Variants in ASPRV1 observed in about 807,000 individuals in gnomAD.
ASPRV1 encodes retroviral-like aspartic protease 1.
In ASPRV1, 7 loss-of-function variants were observed where a neutral mutation model predicts 11.0. That is an observed-to-expected ratio of 0.64 (90% confidence interval 0.36 to 1.20). ASPRV1 has a LOEUF of 1.20. Ranked by LOEUF, ASPRV1 falls within the 50% of genes most tolerant of loss-of-function variation. The pLI, the probability that ASPRV1 is intolerant of heterozygous loss-of-function variation, is 0.02. For synonymous variants in ASPRV1, 136 were observed against 138.4 expected (o/e 0.98, Z 0.12); for missense variants, 299 against 320.0 (o/e 0.93, Z 0.50).
At chr2:69,943,605 C>G in the ASPRV1 span, among the ~76,000 whole-genome samples, 1 of 152,166 alleles carries the variant, frequency 6.6e-6, no homozygotes, top group Non-Finnish European at 1.5e-5. Context: ...ATGTCCGTTC[C>G]TTTACATACT....
At chr2:70,014,796 CAAAAAAAAAAAAAAAAAAAA>C in the ASPRV1 span, among the ~76,000 whole-genome samples, 1 of 74,050 alleles carries the variant, frequency 1.4e-5, no homozygotes, top group Admixed American at 1.7e-4. Context: ...GACCTTGTCT[CAAAAAAAAAAAAAAAAAAAA>C]AAGAAAAAGA....
the ASPRV1 span, chr2:70,003,379 C>T: frequency 1.3e-5 from 2 of 152,248 alleles, no homozygotes; most frequent in South Asian, 2.1e-4. Flanking sequence ...ATGTTAAGCA[C>T]GTAGAACACT....
At chr2:69,961,674 C>T (rs1342628700), upstream of ASPRV1, 8 of 1,542,660 alleles carry the variant, frequency 5.2e-6, no homozygotes, top group South Asian at 9.9e-5. Context: ...CTAGGCTGGC[C>T]CCTGGGCTCC....
the ASPRV1 span, among the ~76,000 whole-genome samples, chr2:70,061,178 T>C: frequency 1.4e-3 from 220 of 151,828 alleles, no homozygotes; most frequent in Middle Eastern, 3.4e-3. Flanking sequence ...GGTGAATCAC[T>C]TGAGGTCAGG....
chr2:70,060,024 T>TA, the ASPRV1 span: 1 of 152,000 alleles, frequency 6.6e-6, no homozygotes, highest in African/African-American at 2.4e-5. Flanking sequence ...CCTACACAGG[T>TA]AAAATCACAA....
the ASPRV1 span, among the ~76,000 whole-genome samples, chr2:70,025,650 G>A: frequency 1.3e-5 from 2 of 152,204 alleles, no homozygotes; most frequent in African/African-American, 4.8e-5. Flanking sequence ...CCCTCAGGCA[G>A]GTGCTTTGGT....
the ASPRV1 span, among the ~76,000 whole-genome samples, chr2:70,079,786 TTCTC>T: frequency 6.6e-6 from 1 of 152,364 alleles, no homozygotes; most frequent in African/African-American, 2.4e-5. Context: ...AACACTTTTC[TTCTC>T]TTTTAATCCA....
the ASPRV1 span, chr2:70,015,821 G>T: frequency 6.6e-6 from 1 of 152,176 alleles, no homozygotes; most frequent in Non-Finnish European, 1.5e-5. Flanking sequence ...AAATTAGCTG[G>T]ACATGGTGGC....
chr2:69,995,949 C>T, the ASPRV1 span, among the ~76,000 whole-genome samples: 3 of 152,132 alleles, frequency 2.0e-5, no homozygotes, highest in Admixed American at 2.0e-4. Flanking sequence ...CCAAGGCCTC[C>T]TCCTCCTTTA....
the ASPRV1 span, among the ~76,000 whole-genome samples, chr2:69,936,641 T>TG: frequency 6.6e-6 from 1 of 152,164 alleles, no homozygotes; most frequent in African/African-American, 2.4e-5. Flanking sequence ...TATGAGAAGC[T>TG]GGGGGCAGAT....
At chr2:70,053,873 C>G in the ASPRV1 span, 1 of 152,258 alleles carries the variant, frequency 6.6e-6, no homozygotes, top group Non-Finnish European at 1.5e-5. Context: ...ACTTCTTCAG[C>G]AGAGGAACCT....
chr2:70,031,054 T>C, the ASPRV1 span: 1 of 152,128 alleles, frequency 6.6e-6, no homozygotes, highest in African/African-American at 2.4e-5. Flanking sequence ...AATAGGGGTA[T>C]CGGATTGGGT....
At chr2:69,949,477 A>T in the ASPRV1 span, among the ~76,000 whole-genome samples, 1 of 152,182 alleles carries the variant, frequency 6.6e-6, no homozygotes, top group Non-Finnish European at 1.5e-5. Context: ...TGAGGGCCAC[A>T]GAAAATACCC....
At chr2:70,072,706 A>T in the ASPRV1 span, among the ~76,000 whole-genome samples, 2 of 152,084 alleles carry the variant, frequency 1.3e-5, no homozygotes, top group African/African-American at 2.4e-5. Context: ...TGGGCGACAG[A>T]GCAAGATTTC....
chr2:69,978,372 G>A, the ASPRV1 span, among the ~76,000 whole-genome samples: 1 of 152,302 alleles, frequency 6.6e-6, no homozygotes, highest in African/African-American at 2.4e-5. Flanking sequence ...AACCCGGAGG[G>A]CCAGGGAGCT....
the ASPRV1 span, among the ~76,000 whole-genome samples, chr2:70,007,629 T>C: frequency 6.9e-6 from 1 of 145,220 alleles, no homozygotes; most frequent in East Asian, 2.3e-4. Flanking sequence ...ATAATATAGA[T>C]GATACACATG....
the ASPRV1 span, among the ~76,000 whole-genome samples, chr2:70,043,423 T>TA: frequency 0.055 from 8,101 of 146,792 alleles, 265 homozygotes; most frequent in African/African-American, 0.1. Context: ...GTCTCGCATT[T>TA]AAAAAAAAAA....
the ASPRV1 span, among the ~76,000 whole-genome samples, chr2:70,054,364 G>A: frequency 4.6e-5 from 7 of 150,852 alleles, no homozygotes; most frequent in African/African-American, 1.7e-4. Flanking sequence ...GAGGCGGGTG[G>A]GTCACAAGGT....
the ASPRV1 span, among the ~76,000 whole-genome samples, chr2:70,044,157 A>G: frequency 4.6e-5 from 7 of 152,180 alleles, no homozygotes; most frequent in Non-Finnish European, 7.4e-5. Context: ...AATGTTTCAC[A>G]ATCAAAACTC....
Sources: allele counts gnomAD v4.1 joint callset (sites outside exome capture counted in the v4.1 genomes callset), GRCh38; gene constraint gnomAD v4.1.1; transcripts MANE v1.5; gene names NCBI Gene and HGNC (gene_info 2026-07-23, HGNC 2026-07-21).